The following TMEM178A variants were observed in gnomAD, a reference collection of about 807,000 sequenced individuals.
TMEM178A encodes transmembrane protein 178.
A neutral mutation model predicts 29.1 loss-of-function variants in TMEM178A; 12 were observed. That is an observed-to-expected ratio of 0.41 (90% CI 0.26 to 0.67). The LOEUF is 0.67. Ranked by LOEUF, TMEM178A falls within the 30% of genes least tolerant of loss-of-function variation. The pLI, the probability that TMEM178A is intolerant of heterozygous loss-of-function variation, is 0.29. For missense variants in TMEM178A, 366 were observed against 419.1 expected (o/e 0.87, Z 1.11); for synonymous variants, 210 against 187.2 (o/e 1.12, Z -0.99).
At chr2:39,719,879 C>CTCCACAGAACATAATAAACCT (rs2148124025), downstream of TMEM178A, among the ~76,000 whole-genome samples, 1 of 152,096 alleles carries the variant, frequency 6.6e-6, no homozygotes, top group South Asian at 2.1e-4. Flanking sequence ...AACATAATAG[C>CTCCACAGAACATAATAAACCT]CCCCATAACA....
At chr2:39,688,773 A>T (rs1293598512) in intron 1 of TMEM178A, among the ~76,000 whole-genome samples, 1 of 152,234 alleles carries the variant, frequency 6.6e-6, no homozygotes, top group Non-Finnish European at 1.5e-5. Context: ...ATCTGTAAAA[A>T]TTCAGAAATA....
intron 1 of TMEM178A, among the ~76,000 whole-genome samples, chr2:39,700,518 A>G (rs1356464889): frequency 6.6e-6 from 1 of 151,988 alleles, no homozygotes; most frequent in African/African-American, 2.4e-5. Flanking sequence ...TTTTCATGGT[A>G]TATCTTTTTC....
chr2:39,728,076 C>T, the TMEM178A span, among the ~76,000 whole-genome samples: 1 of 152,028 alleles, frequency 6.6e-6, no homozygotes, highest in African/African-American at 2.4e-5. Context: ...GGGTATGTAC[C>T]CAGTAATGGG....
intron 1 of TMEM178A, among the ~76,000 whole-genome samples, chr2:39,687,061 T>C (rs901216494): frequency 6.6e-6 from 1 of 151,474 alleles, no homozygotes; most frequent in Admixed American, 6.6e-5. Context: ...CGGTCTGGAC[T>C]GTCTGCAAGT....
chr2:39,712,164 A>G (rs1021764571), intron 3 of TMEM178A, among the ~76,000 whole-genome samples: 1 of 151,912 alleles, frequency 6.6e-6, no homozygotes, highest in Non-Finnish European at 1.5e-5. Context: ...GCAAACTAGC[A>G]TGAGGCATTT....
chr2:39,733,409 G>A, the TMEM178A span, among the ~76,000 whole-genome samples: 1 of 152,176 alleles, frequency 6.6e-6, no homozygotes, highest in African/African-American at 2.4e-5. Flanking sequence ...GGAATGAGTT[G>A]AACGAACAAG....
chr2:39,722,290 G>A (rs1233036176), downstream of TMEM178A, among the ~76,000 whole-genome samples: 2 of 152,122 alleles, frequency 1.3e-5, no homozygotes, highest in Admixed American at 1.3e-4. Context: ...TAAGGGAACT[G>A]CTTCTTGTAT....
intron 1 of TMEM178A, among the ~76,000 whole-genome samples, chr2:39,702,832 G>T (rs1671849424): frequency 6.6e-6 from 1 of 152,160 alleles, no homozygotes; most frequent in Non-Finnish European, 1.5e-5. Flanking sequence ...TGGGATGCTT[G>T]TTAAAATTCA....
chr2:39,710,826 T>C (rs1037816094), intron 3 of TMEM178A, among the ~76,000 whole-genome samples: 1 of 152,250 alleles, frequency 6.6e-6, no homozygotes, highest in African/African-American at 2.4e-5. Flanking sequence ...ATTCTGTGCC[T>C]GAACTTATTA....
chr2:39,690,246 C>G (rs1246392165), intron 1 of TMEM178A, among the ~76,000 whole-genome samples: 1 of 152,232 alleles, frequency 6.6e-6, no homozygotes, highest in South Asian at 2.1e-4. Context: ...GGATGCCTCA[C>G]CTGCAGTCAC....
intron 1 of TMEM178A, among the ~76,000 whole-genome samples, chr2:39,672,504 A>G (rs1670447035): frequency 6.6e-6 from 1 of 152,090 alleles, no homozygotes; most frequent in Non-Finnish European, 1.5e-5. Context: ...GACTGCTCGT[A>G]ATTATAATTG....
At chr2:39,697,530 TG>T (rs1490672306) in intron 1 of TMEM178A, among the ~76,000 whole-genome samples, 1 of 152,214 alleles carries the variant, frequency 6.6e-6, no homozygotes, top group Non-Finnish European at 1.5e-5. Flanking sequence ...AACTCAGCTG[TG>T]GAGCTCTGGG....
intron 1 of TMEM178A, among the ~76,000 whole-genome samples, chr2:39,692,701 TAGGAC>T (rs918149433): frequency 2.0e-5 from 3 of 152,170 alleles, no homozygotes; most frequent in African/African-American, 7.2e-5. Context: ...GGCACTGTGT[TAGGAC>T]AGTATATATG....
intron 2 of TMEM178A, among the ~76,000 whole-genome samples, chr2:39,705,600 T>G (rs1355929900): frequency 1.3e-5 from 2 of 152,220 alleles, no homozygotes; most frequent in East Asian, 3.9e-4. Flanking sequence ...AAATACTCTC[T>G]TTTAATTTGG....
At chr2:39,712,148 C>A (rs1422168193) in intron 3 of TMEM178A, among the ~76,000 whole-genome samples, 2 of 150,878 alleles carry the variant, frequency 1.3e-5, no homozygotes, top group South Asian at 4.2e-4. Flanking sequence ...TTTGAGTAAT[C>A]TGTGTGCAAA....
At position 39,705,543 on chromosome 2, in the gene TMEM178A, C is replaced by T. The variant is rs114011378; in HGVS notation, c.514+1349C>T. ...ACTCAGCGTCTTTAAATTATCACTG[C>T]TCCTGGCCCCTTATTCATTGGTGTC... On this transcript the variant is annotated intron_variant, in intron 2 of 3. Coordinates refer to ENST00000281961, the MANE Select transcript of TMEM178A (RefSeq NM_152390.3). Among the ~76,000 whole-genome samples the T allele has an allele frequency of 4.0e-3, 602 of 152,354 alleles. 4 individuals are homozygous for T. The highest frequency in any genetic ancestry group is 0.013 in the African/African-American group (538 of 41,582).
At chr2:39,735,700 T>A in the TMEM178A span, among the ~76,000 whole-genome samples, 2 of 152,200 alleles carry the variant, frequency 1.3e-5, no homozygotes, top group Non-Finnish European at 2.9e-5. Context: ...AAAAATGAAA[T>A]GTATTCAAGA....
intron 1 of TMEM178A, among the ~76,000 whole-genome samples, chr2:39,670,343 G>C (rs920958587): frequency 5.3e-5 from 8 of 152,204 alleles, no homozygotes; most frequent in African/African-American, 1.9e-4. Flanking sequence ...TTGGAGTGTT[G>C]GTTATTGTAC....
At chr2:39,718,596 C>T (rs1245359284), downstream of TMEM178A, among the ~76,000 whole-genome samples, 3 of 152,208 alleles carry the variant, frequency 2.0e-5, no homozygotes, top group Admixed American at 2.0e-4. Flanking sequence ...GGTGTTATTT[C>T]ACTTAATCCT....
Sources: gnomAD v4.1 joint callset for allele counts (sites outside exome capture counted in the v4.1 genomes callset) on GRCh38, gnomAD v4.1.1 for gene constraint, MANE v1.5 for transcripts, NCBI Gene and HGNC (gene_info 2026-07-23, HGNC 2026-07-21) for gene names.